FAM222B: variants seen among roughly 807,000 people sequenced by gnomAD.
The protein encoded by FAM222B is family with sequence similarity 222 member B.
FAM222B carries 12 observed loss-of-function variants against 38.0 expected under a neutral mutation model. That is an observed-to-expected ratio of 0.32 (90% CI 0.20 to 0.51). The LOEUF (loss-of-function observed/expected upper bound fraction) is 0.51, where lower values mean the gene tolerates loss of function less well. FAM222B is among the 20% of genes least tolerant of loss of function. FAM222B has a pLI of 0.97. For missense variants in FAM222B, 716 were observed against 754.2 expected (o/e 0.95, Z 0.59); for synonymous variants, 329 against 317.2 (o/e 1.04, Z -0.40).
chr17:28,851,177 T>C (rs1302151349), intron 1 of FAM222B, among the ~76,000 whole-genome samples: 1 of 151,890 alleles, frequency 6.6e-6, no homozygotes, highest in African/African-American at 2.4e-5. Context: ...AACTCACACC[T>C]GTAATCTCAG....
Position 28,758,249 on chromosome 17 carries a change from C to T in FAM222B, c.*21G>A, listed in dbSNP as rs376796724. The T allele has an allele frequency of 2.2e-5, 33 of 1,532,028 alleles. No homozygotes were observed. The highest frequency in any genetic ancestry group is 4.2e-5 in the Admixed American group (2 of 48,136). 94.9% of individuals were successfully genotyped at this position (1,532,028 alleles called of 1,614,324 possible). A position where few individuals can be genotyped will look rare whatever the true frequency, so the allele number is the denominator to read the frequency against. Reference sequence around the variant, plus strand: ...GGAGGGTGATGTATGATGTGTTGCACGTGGAGGGCAGCAGGGCTACCTATC... The same window carrying T: ...GGAGGGTGATGTATGATGTGTTGCATGTGGAGGGCAGCAGGGCTACCTATC... On this transcript the variant is annotated 3_prime_UTR_variant, in exon 3 of 3. Coordinates refer to ENST00000581407, the MANE Select transcript of FAM222B (RefSeq NM_001077498.3).
chr17:28,771,031 G>A lies in FAM222B; in HGVS notation c.-40-4324C>T, dbSNP rs1190770777. Among the ~76,000 whole-genome samples, 4 of 149,434 alleles carry A rather than the reference G, an allele frequency of 2.7e-5. No individual in the cohort carries two copies. In the East Asian group the frequency reaches 7.8e-4, roughly 29 times the overall value. ...ATTTTTTCTTTTTTTTTTTTTAAAG[G>A]AGAGGGTGCAATGATGCTCCCTAGC... On this transcript the variant is annotated intron_variant, in intron 1 of 2. Transcript: ENST00000581407.
chr17:28,815,617 A>C (rs1222161535), intron 1 of FAM222B, among the ~76,000 whole-genome samples: 1 of 152,142 alleles, frequency 6.6e-6, no homozygotes, highest in African/African-American at 2.4e-5. Context: ...ACTTGAGCTC[A>C]GGAGTTCAAG....
chr17:28,804,756 G>C (rs1284817209), intron 1 of FAM222B, among the ~76,000 whole-genome samples: 1 of 151,872 alleles, frequency 6.6e-6, no homozygotes, highest in East Asian at 1.9e-4. Flanking sequence ...AAGAAACTAA[G>C]TGCAGGCCGG....
In FAM222B at chr17:28,779,913, A is replaced by G. The variant is rs921603542; in HGVS notation, c.-40-13206T>C. Among the ~76,000 whole-genome samples the G allele has an allele frequency of 3.3e-5, 5 of 152,134 alleles. No individual in the cohort carries two copies. In the East Asian group the frequency reaches 9.7e-4, roughly 29 times the overall value. On this transcript the variant is annotated intron_variant, in intron 1 of 2. Transcript: ENST00000581407. ...AAGACTTCAGCTAACATCATACTCA[A>G]CGGTGGACAGCTGAATGCTTTTCCT...
chr17:28,808,703 GTC>G (rs1224753837), intron 1 of FAM222B, among the ~76,000 whole-genome samples: 1 of 152,114 alleles, frequency 6.6e-6, no homozygotes, highest in Non-Finnish European at 1.5e-5. Context: ...ACAAAATATT[GTC>G]TCTGACACCT....
intron 1 of FAM222B, among the ~76,000 whole-genome samples, chr17:28,815,421 AG>A (rs985278572): frequency 6.6e-6 from 1 of 151,856 alleles, no homozygotes; most frequent in African/African-American, 2.4e-5. Context: ...TCACCGTGTT[AG>A]CCAGGATGAT....
At chr17:28,832,265 T>C (rs2038694763) in intron 1 of FAM222B, among the ~76,000 whole-genome samples, 1 of 152,172 alleles carries the variant, frequency 6.6e-6, no homozygotes, top group African/African-American at 2.4e-5. Flanking sequence ...AAATCTAATA[T>C]CTATTTTTCA....
intron 1 of FAM222B, among the ~76,000 whole-genome samples, chr17:28,830,437 G>A (rs535177361): frequency 1.3e-5 from 2 of 152,178 alleles, no homozygotes; most frequent in African/African-American, 4.8e-5. Context: ...TGGGATTACA[G>A]GTGTGAGCCA....
chr17:28,845,852 G>A (rs1279206301), upstream of FAM222B, among the ~76,000 whole-genome samples: 5 of 151,660 alleles, frequency 3.3e-5, no homozygotes, highest in African/African-American at 4.8e-5. Context: ...CCAAGATTGC[G>A]CCACTGCAAT....
At chr17:28,765,601 C>T (rs1402140296) in intron 2 of FAM222B, among the ~76,000 whole-genome samples, 3 of 152,234 alleles carry the variant, frequency 2.0e-5, no homozygotes, top group East Asian at 1.9e-4. Context: ...TGTTTTTACA[C>T]CTGAAGATAC....
intron 1 of FAM222B, among the ~76,000 whole-genome samples, chr17:28,832,412 A>G (rs1325784360): frequency 2.0e-5 from 3 of 152,184 alleles, no homozygotes; most frequent in African/African-American, 7.2e-5. Context: ...ATAAAAGACA[A>G]GCTATTCATT....
At chr17:28,841,421 C>T (rs1395474956) in intron 1 of FAM222B, among the ~76,000 whole-genome samples, 1 of 152,234 alleles carries the variant, frequency 6.6e-6, no homozygotes, top group Non-Finnish European at 1.5e-5. Context: ...GTCACCCGAA[C>T]TGGAGTGCAA....
At chr17:28,838,399 T>C (rs2038922803) in intron 1 of FAM222B, among the ~76,000 whole-genome samples, 1 of 148,106 alleles carries the variant, frequency 6.8e-6, no homozygotes, top group Non-Finnish European at 1.5e-5. Flanking sequence ...GCTAACACGG[T>C]GAAACCTCAT....
At chr17:28,766,185 T>C (rs1304517971) in intron 2 of FAM222B, among the ~76,000 whole-genome samples, 1 of 152,186 alleles carries the variant, frequency 6.6e-6, no homozygotes, top group African/African-American at 2.4e-5. Flanking sequence ...CTGGACACAG[T>C]GGCTCACACC....
intron 1 of FAM222B, among the ~76,000 whole-genome samples, chr17:28,832,134 G>A (rs186148382): frequency 1.3e-5 from 2 of 152,024 alleles, no homozygotes; most frequent in Non-Finnish European, 2.9e-5. Flanking sequence ...AGCTTGCCGT[G>A]AGCCGAGATC....
chr17:28,828,966 C>T (rs1567895087), intron 1 of FAM222B, among the ~76,000 whole-genome samples: 2 of 151,858 alleles, frequency 1.3e-5, no homozygotes, highest in Admixed American at 1.3e-4. Flanking sequence ...TGCAGTATGG[C>T]GCCATCTCGG....
At chr17:28,778,791 C>T (rs1332371196) in intron 1 of FAM222B, among the ~76,000 whole-genome samples, 5 of 133,066 alleles carry the variant, frequency 3.8e-5, no homozygotes, top group Non-Finnish European at 6.2e-5. Context: ...TCTTGAACTC[C>T]GAACTCAAGT....
rs145803112 is a variant in FAM222B, at chr17:28,819,670, A to G, written c.-41+23012T>C. Among the ~76,000 whole-genome samples the G allele has an allele frequency of 1.3e-3, 193 of 152,362 alleles. 2 individuals carry two copies. In the East Asian group the frequency reaches 0.031, roughly 25 times the overall value. ...GCTACAAATTAAATCCAAGAGAACT[A>G]AAATATGAATATAAAATGAACCTTT... On this transcript the variant is annotated intron_variant, in intron 1 of 2. Transcript: ENST00000581407.
Sources: allele counts gnomAD v4.1 joint callset (sites outside exome capture counted in the v4.1 genomes callset), GRCh38; gene constraint gnomAD v4.1.1; transcripts MANE v1.5; gene names NCBI Gene and HGNC (gene_info 2026-07-23, HGNC 2026-07-21).